FYN: variants seen among roughly 807,000 people sequenced by gnomAD.
FYN encodes FYN proto-oncogene, Src family tyrosine kinase, also known as tyrosine-protein kinase Fyn.
In FYN, 10 loss-of-function variants were observed where a neutral mutation model predicts 70.2. The observed-to-expected ratio is 0.14, with a 90% CI of 0.09 to 0.24. FYN has a LOEUF of 0.24. FYN is among the 10% of genes least tolerant of loss of function. The pLI is 1.00. For missense variants in FYN, 319 were observed against 673.1 expected, an observed-to-expected ratio of 0.47 and a Z score of 5.82; for synonymous variants, 236 against 248.6, an observed-to-expected ratio of 0.95 and a Z score of 0.48.
At chr6:111,691,871 A>G (rs1258609634) in intron 12 of FYN, among the ~76,000 whole-genome samples, 1 of 152,322 alleles carries the variant, frequency 6.6e-6, no homozygotes, top group Non-Finnish European at 1.5e-5. Flanking sequence ...CCATTTCTGG[A>G]TTCAAATCCT....
intron 2 of FYN, among the ~76,000 whole-genome samples, chr6:111,834,362 T>TA (rs1293733333): frequency 6.6e-6 from 1 of 151,944 alleles, no homozygotes; most frequent in South Asian, 2.1e-4. Context: ...TGCCTCATAT[T>TA]AAAAAAAATT....
intron 2 of FYN, among the ~76,000 whole-genome samples, chr6:111,805,211 A>G (rs1722215175): frequency 6.6e-6 from 1 of 152,166 alleles, no homozygotes; most frequent in Non-Finnish European, 1.5e-5. Context: ...AGAGGCTGGC[A>G]ACCACAACCC....
At chr6:111,756,071 A>G (rs1482604509) in intron 3 of FYN, among the ~76,000 whole-genome samples, 9 of 152,126 alleles carry the variant, frequency 5.9e-5, no homozygotes, top group Non-Finnish European at 1.3e-4. Flanking sequence ...AGGAAAAGCT[A>G]TTTATTTGGA....
chr6:111,832,250 T>C (rs1773039467), intron 2 of FYN, among the ~76,000 whole-genome samples: 1 of 152,224 alleles, frequency 6.6e-6, no homozygotes, highest in South Asian at 2.1e-4. Context: ...GCCGAAGGAC[T>C]GGATTGTGTT....
intron 3 of FYN, among the ~76,000 whole-genome samples, chr6:111,729,191 C>G (rs139715206): frequency 6.6e-6 from 1 of 152,072 alleles, no homozygotes; most frequent in Non-Finnish European, 1.5e-5. Context: ...TGGGCATACT[C>G]GGCCAGGTGT....
intron 2 of FYN, chr6:111,818,619 T>G (rs1428966157): frequency 6.6e-6 from 1 of 152,510 alleles, no homozygotes; most frequent in Non-Finnish European, 1.5e-5. Flanking sequence ...GAGTACCTGG[T>G]CTGTTGCCTT....
rs775593554 is a variant in FYN, at chr6:111,694,554, T to C, written c.1120-26A>G. ...CTGTGGAAACCCAGGGAACAGGACA[T>C]GTTACACCACGACCCAATGTACTTA... On this transcript the variant is annotated intron_variant, in intron 11 of 13. Coordinates refer to ENST00000354650, the MANE Select transcript of FYN (RefSeq NM_002037.5). This position sits in a 1 kb window ranked among gnomAD's most constrained non-coding sequence, Gnocchi z 5.0. 17 of 1,613,930 alleles carry C rather than the reference T, an allele frequency of 1.1e-5. No individual in the cohort carries two copies. In the South Asian group the frequency reaches 1.8e-4, roughly 17 times the overall value.
At chr6:111,845,931 T>C (rs917413915) in intron 2 of FYN, among the ~76,000 whole-genome samples, 1 of 152,168 alleles carries the variant, frequency 6.6e-6, no homozygotes, top group Non-Finnish European at 1.5e-5. Context: ...CACTCCATCA[T>C]GGAGTTTTTC....
At chr6:111,747,521 C>T (rs552064047) in intron 3 of FYN, among the ~76,000 whole-genome samples, 417 of 152,352 alleles carry the variant, frequency 2.7e-3, no homozygotes, top group South Asian at 8.7e-3. Flanking sequence ...CAGACATGAA[C>T]GTGTTCTGAT....
Position 111,865,010 on chromosome 6 carries a change from G to C in FYN, c.-123+7958C>G, listed in dbSNP as rs921368617. On this transcript the variant is annotated intron_variant, in intron 1 of 13. Transcript: ENST00000354650. ...CTATTATTTCTATGGTGTATTCAGG[G>C]AGGAGTAGGTAGCTGTGGTATGCTC... Among the ~76,000 whole-genome samples the C allele has an allele frequency of 5.4e-4, 82 of 152,274 alleles. 1 individual carries two copies. Among genetic ancestry groups the C allele is most frequent in the African/African-American group, 1.9e-3 (81 of 41,542 alleles).
At chr6:111,760,570 C>T (rs1802960035) in intron 3 of FYN, among the ~76,000 whole-genome samples, 1 of 152,212 alleles carries the variant, frequency 6.6e-6, no homozygotes, top group African/African-American at 2.4e-5. Context: ...AACGGAACTC[C>T]TTCTCAGGAG....
chr6:111,713,507 C>T (rs913726106), intron 5 of FYN, among the ~76,000 whole-genome samples: 9 of 152,038 alleles, frequency 5.9e-5, no homozygotes, highest in Non-Finnish European at 8.8e-5. Context: ...CTCATAGGGA[C>T]GCTGGAGATG....
intron 4 of FYN, among the ~76,000 whole-genome samples, chr6:111,715,857 T>C (rs1800618460): frequency 6.6e-6 from 1 of 152,190 alleles, no homozygotes; most frequent in Admixed American, 6.5e-5. Flanking sequence ...AATTGATGTA[T>C]GGACACACAT....
intron 3 of FYN, among the ~76,000 whole-genome samples, chr6:111,758,390 T>C (rs909623691): frequency 6.6e-6 from 1 of 152,242 alleles, no homozygotes; most frequent in African/African-American, 2.4e-5. Flanking sequence ...GATGGGTTAA[T>C]AGGTGACTTT....
chr6:111,709,732 A>C (rs998871906), intron 5 of FYN, among the ~76,000 whole-genome samples: 2 of 152,230 alleles, frequency 1.3e-5, no homozygotes, highest in Non-Finnish European at 2.9e-5. Flanking sequence ...ACTGAAGAAT[A>C]TAGGTACAGT....
chr6:111,764,771 GA>G (rs1449564126), intron 3 of FYN, among the ~76,000 whole-genome samples: 6 of 151,668 alleles, frequency 4.0e-5, no homozygotes, highest in African/African-American at 9.7e-5. Flanking sequence ...AAAGGTGGAA[GA>G]AAAAAAACCC....
intron 3 of FYN, among the ~76,000 whole-genome samples, chr6:111,742,862 C>G (rs936446545): frequency 1.3e-5 from 2 of 152,152 alleles, no homozygotes; most frequent in African/African-American, 2.4e-5. Context: ...TACAAATACC[C>G]GTGCAACCAA....
chr6:111,818,554 T>C (rs1772560367), intron 2 of FYN: 1 of 152,288 alleles, frequency 6.6e-6, no homozygotes. Context: ...CCTGGTGGAC[T>C]GTGCTGTTCA....
intron 9 of FYN, among the ~76,000 whole-genome samples, chr6:111,697,420 G>C (rs1799621773): frequency 6.6e-6 from 1 of 152,030 alleles, no homozygotes; most frequent in African/African-American, 2.4e-5. Context: ...AAAGAAGACT[G>C]GTTTAAATTA....
Sources: gnomAD v4.1 joint callset for allele counts (sites outside exome capture counted in the v4.1 genomes callset) on GRCh38, gnomAD v4.1.1 for gene constraint, Gnocchi (gnomAD v3.1) non-coding constraint, MANE v1.5 for transcripts, NCBI Gene and HGNC (gene_info 2026-07-23, HGNC 2026-07-21) for gene names.